Variants in CDC23 observed in about 807,000 individuals in gnomAD.
The protein encoded by CDC23 is cell division cycle protein 23 homolog.
A neutral mutation model predicts 81.7 loss-of-function variants in CDC23; 26 were observed. The observed-to-expected ratio is 0.32, with a 90% confidence interval of 0.23 to 0.44. CDC23 has a LOEUF of 0.44. CDC23 is among the 20% of genes least tolerant of loss of function. The probability of loss-of-function intolerance (pLI) is 1.00; values close to 1 mark genes in which losing one functional copy is unlikely to be tolerated. For synonymous variants in CDC23, 267 were observed against 270.8 expected (o/e 0.99, Z 0.14); for missense variants, 519 against 728.0 (o/e 0.71, Z 3.30).
chr5:138,195,405 C>T lies in CDC23; in HGVS notation c.1013-2748G>A, dbSNP rs190161941. ...GTTAGGTAACTTGTCCAAGATTACA[C>T]AGCTAGTTAGTATCTAAACCAGAAT... is the stretch of plus-strand genomic sequence containing the variant. On this transcript the variant is annotated intron_variant, in intron 9 of 15. Transcript: ENST00000394886. Among the ~76,000 whole-genome samples, 311 of 148,568 alleles carry T rather than the reference C, an allele frequency of 2.1e-3. 2 individuals carry two copies. Among genetic ancestry groups the T allele is most frequent in the African/African-American group, 7.4e-3 (296 of 40,218 alleles).
At chr5:138,204,788 T>G (rs1755029806) in intron 3 of CDC23, among the ~76,000 whole-genome samples, 1 of 151,870 alleles carries the variant, frequency 6.6e-6, no homozygotes, top group Non-Finnish European at 1.5e-5. Context: ...CCCAGCTAAT[T>G]TTTTGTATTT....
At chr5:138,199,592 T>C (rs576649743) in intron 6 of CDC23, among the ~76,000 whole-genome samples, 1 of 152,252 alleles carries the variant, frequency 6.6e-6, no homozygotes, top group Non-Finnish European at 1.5e-5. Flanking sequence ...GAGAAAGAGA[T>C]GTATACAAGA....
chr5:138,199,352 C>T (rs1239674196), intron 6 of CDC23, among the ~76,000 whole-genome samples: 3 of 152,130 alleles, frequency 2.0e-5, no homozygotes, highest in Non-Finnish European at 4.4e-5. Context: ...AACCCCAGCA[C>T]TTTGGGAGGC....
At chr5:138,189,931 T>C in intron 13 of CDC23, 25 bp from the exon 14 acceptor site, 1 of 1,603,958 alleles carries the variant, frequency 6.2e-7, no homozygotes, top group East Asian at 2.2e-5. Context: ...GATCTTTAAA[T>C]ACCAATGATA....
chr5:138,208,864 C>T (rs1197302362), intron 2 of CDC23, among the ~76,000 whole-genome samples: 2 of 152,202 alleles, frequency 1.3e-5, no homozygotes, highest in Admixed American at 1.3e-4. Flanking sequence ...TCTCAAATCA[C>T]TCCAACCTCA....
intron 3 of CDC23, among the ~76,000 whole-genome samples, chr5:138,205,461 T>G (rs1235436913): frequency 6.6e-6 from 1 of 152,120 alleles, no homozygotes; most frequent in Non-Finnish European, 1.5e-5. Context: ...ATGATTCCAC[T>G]TATGTAAGGT....
chr5:138,192,156 A>G, intron 11 of CDC23, 113 bp downstream of exon 11: 1 of 1,357,562 alleles, frequency 7.4e-7, no homozygotes, highest in South Asian at 1.4e-5. Flanking sequence ...CTTTAACCTC[A>G]GATCCCCAAG....
intron 9 of CDC23, among the ~76,000 whole-genome samples, chr5:138,196,890 CTTTTTTTTTTT>C (rs34002952): frequency 4.3e-4 from 49 of 113,426 alleles, no homozygotes; most frequent in Non-Finnish European, 7.4e-4. Flanking sequence ...TTTTTTTTTC[CTTTTTTTTTTT>C]TTTTTTTTTT....
Position 138,201,156 on chromosome 5 carries a change from T to C in CDC23, c.605A>G (p.His202Arg). The change falls in exon 6 of 16, where the codon CAT becomes CGT. Residue 202 changes from histidine (H) to arginine (R), a missense_variant. Around this residue, in one of 4 missense-constraint regions of CDC23, gnomAD observed 180 missense variants for 239.3 expected, o/e 0.75. Transcript: ENST00000394886. Reference protein sequence around the residue: ...FVEATHVLPLHWGAWLELCNL... With the variant: ...FVEATHVLPLRWGAWLELCNL... ...ACAGAGTTCTAACCAGGCTCCCCAATGCAAGGGCAAAACATGAGTAGCTTC... is the reference window on the plus strand; with the variant it reads ...ACAGAGTTCTAACCAGGCTCCCCAACGCAAGGGCAAAACATGAGTAGCTTC... The C allele has an allele frequency of 1.9e-6, 3 of 1,614,158 alleles. No individual in the cohort carries two copies. The highest frequency in any genetic ancestry group is 2.5e-6 in the Non-Finnish European group (3 of 1,180,022).
At position 138,187,921 on chromosome 5, in the gene CDC23, T is replaced by G. The variant is rs967334090; in HGVS notation, c.*1057A>C. ...AAAACGTAACACAAAATTCTGGGAA[T>G]AAGAATAAAGTCTGGACCCTGAGCT... On this transcript the variant is annotated 3_prime_UTR_variant, in exon 16 of 16. Coordinates refer to ENST00000394886, the MANE Select transcript of CDC23 (RefSeq NM_004661.4). 1.9e-5 allele frequency: 3 copies of G among 159,544 alleles called. No individual in the cohort carries two copies. Among genetic ancestry groups the G allele is most frequent in the African/African-American group, 4.8e-5 (2 of 41,470 alleles). The allele number at this position is 159,544 out of a possible 1,614,324, so 9.9% of individuals were successfully genotyped here. A position where few individuals can be genotyped will look rare whatever the true frequency, so the allele number is the denominator to read the frequency against.
rs1754867477 is a variant in CDC23, at chr5:138,194,910, C to A, written c.1013-2253G>T. Among the ~76,000 whole-genome samples, 13 of 151,598 alleles carry A rather than the reference C, an allele frequency of 8.6e-5. No homozygotes were observed. The South Asian group carries it at 2.5e-3, about 29-fold the overall frequency. ...CTAATTTTCATATTTTTAGTAGTGA[C>A]AGGGTTTCACCATGTTGGCCAGGCT... On this transcript the variant is annotated intron_variant, in intron 9 of 15. Coordinates refer to ENST00000394886, the MANE Select transcript of CDC23 (RefSeq NM_004661.4).
rs558005372 is a variant in CDC23, at chr5:138,195,865, T to C, written c.1012+2334A>G. Among the ~76,000 whole-genome samples, 512 of 142,084 alleles carry C rather than the reference T, an allele frequency of 3.6e-3. 1 individual carries two copies. The highest frequency in any genetic ancestry group is 0.013 in the African/African-American group (497 of 38,134). The allele number at this position is 142,084 out of a possible 152,430, so 93.2% of individuals were successfully genotyped here. A position where few individuals can be genotyped will look rare whatever the true frequency, so the allele number is the denominator to read the frequency against. On this transcript the variant is annotated intron_variant, in intron 9 of 15. Transcript: ENST00000394886. ...TATATATAAAATAAAATGCTGCCGC[T>C]CAAGTAGAGACTGTGACTGACAGGT...
chr5:138,195,763 A>ATTATATATGTGTATATATACATATATT (rs1561634187), intron 9 of CDC23, among the ~76,000 whole-genome samples: 15 of 77,010 alleles, frequency 1.9e-4, no homozygotes, highest in East Asian at 3.5e-4. Context: ...ATATACATAT[A>ATTATATATGTGTATATATACATATATT]TTATATATGT....
intron 9 of CDC23, among the ~76,000 whole-genome samples, 189 bp downstream of exon 9, chr5:138,198,010 G>A (rs1754936575): frequency 1.3e-5 from 2 of 152,128 alleles, no homozygotes; most frequent in Non-Finnish European, 2.9e-5. Context: ...CAGCCCTGGA[G>A]TGCAGTGACA....
chr5:138,193,719 G>A (rs888885946), intron 9 of CDC23, among the ~76,000 whole-genome samples: 1 of 152,016 alleles, frequency 6.6e-6, no homozygotes, highest in Non-Finnish European at 1.5e-5. Flanking sequence ...ACCACTTTGG[G>A]AGGCTAAGGC....
chr5:138,212,963 G>C, intron 2 of CDC23, 28 bp downstream of exon 2: 1 of 1,599,150 alleles, frequency 6.3e-7, no homozygotes, highest in Non-Finnish European at 8.6e-7. Context: ...GGGTTGATGG[G>C]GAGCGCTCAC....
intron 2 of CDC23, among the ~76,000 whole-genome samples, chr5:138,211,764 T>C (rs1327707948): frequency 1.3e-5 from 2 of 152,102 alleles, no homozygotes; most frequent in South Asian, 4.1e-4. Flanking sequence ...TCACACAATA[T>C]ATCCATGTAG....
At chr5:138,198,809 C>T (rs1451711786) in intron 6 of CDC23, 27 bp from the exon 7 acceptor site, 1 of 1,597,714 alleles carries the variant, frequency 6.3e-7, no homozygotes, top group Non-Finnish European at 8.5e-7. Context: ...GAGGGACACA[C>T]TTAATATAAC....
rs769684363 is a variant in CDC23, at chr5:138,198,272, T to C, written c.939A>G (p.Lys313=). The C allele has an allele frequency of 3.7e-6, 6 of 1,613,352 alleles. No individual in the cohort carries two copies. The East Asian group carries it at 1.3e-4, about 36-fold the overall frequency. The part of the protein sequence containing the change: ...FSNLLYVRSM[K]SELSYLAHNL... ...TATGAGCCAGATAACTCAACTCCGATTTCATGCTCTGGGATAAAAGAAAAA... is the reference window on the plus strand; with the variant it reads ...TATGAGCCAGATAACTCAACTCCGACTTCATGCTCTGGGATAAAAGAAAAA... Residue 313 remains lysine (K), a synonymous_variant, in exon 9 of 16, where the codon AAA becomes AAG. Transcript: ENST00000394886.
Sources: allele counts gnomAD v4.1 joint callset (sites outside exome capture counted in the v4.1 genomes callset), GRCh38; gene constraint gnomAD v4.1.1; regional missense constraint gnomAD v4.1.1; transcripts MANE v1.5; gene names NCBI Gene and HGNC (gene_info 2026-07-23, HGNC 2026-07-21).